The following IMMP2L variants were observed in gnomAD, a reference collection of about 807,000 sequenced individuals.
IMMP2L encodes the protein mitochondrial inner membrane protease subunit 2.
Under a neutral mutation model 19.3 loss-of-function variants are expected in IMMP2L, and 18 were observed. The observed-to-expected ratio is 0.93, with a 90% CI of 0.64 to 1.38. The LOEUF is 1.38. Among genes scored for constraint, IMMP2L ranks in the 40% most tolerant of loss-of-function variants. The pLI, the probability that IMMP2L is intolerant of heterozygous loss-of-function variation, is 0.00. For missense variants in IMMP2L, 233 were observed against 218.2 expected (o/e 1.07, Z -0.43); for synonymous variants, 76 against 73.0 (o/e 1.04, Z -0.21).
intron 3 of IMMP2L, among the ~76,000 whole-genome samples, chr7:111,252,361 T>C (rs1057111787): frequency 6.6e-6 from 1 of 152,092 alleles, no homozygotes; most frequent in Admixed American, 6.6e-5. Context: ...AATATGCCAA[T>C]GGAAAAAGTT....
At chr7:110,686,674 C>A (rs962917243) in intron 5 of IMMP2L, among the ~76,000 whole-genome samples, 2 of 152,032 alleles carry the variant, frequency 1.3e-5, no homozygotes, top group African/African-American at 4.8e-5. Flanking sequence ...ACCCTCATTT[C>A]TAATTAGTTT....
At chr7:111,374,128 C>T (rs951875315) in intron 3 of IMMP2L, among the ~76,000 whole-genome samples, 1 of 152,004 alleles carries the variant, frequency 6.6e-6, no homozygotes, top group Non-Finnish European at 1.5e-5. Context: ...TCTGAACTAT[C>T]CAAGCACAAA....
At chr7:110,730,606 G>A (rs1036911005) in intron 5 of IMMP2L, among the ~76,000 whole-genome samples, 6 of 151,384 alleles carry the variant, frequency 4.0e-5, no homozygotes, top group African/African-American at 1.5e-4. Flanking sequence ...CTCACTGCAA[G>A]CTCCGCCTCC....
chr7:111,030,135 A>G (rs1301959395), intron 3 of IMMP2L, among the ~76,000 whole-genome samples: 1 of 152,204 alleles, frequency 6.6e-6, no homozygotes, highest in African/African-American at 2.4e-5. Context: ...CTCAAGAGCC[A>G]AATCACAATG....
intron 3 of IMMP2L, among the ~76,000 whole-genome samples, chr7:111,332,353 A>G (rs139875041): frequency 2.2e-3 from 336 of 152,122 alleles, no homozygotes; most frequent in African/African-American, 7.0e-3. Context: ...AGTCTTTTCA[A>G]TAATTGTGCA....
chr7:110,976,002 CT>C (rs989233025), intron 3 of IMMP2L, among the ~76,000 whole-genome samples: 1 of 151,892 alleles, frequency 6.6e-6, no homozygotes, highest in African/African-American at 2.4e-5. Flanking sequence ...CACAGTAGAA[CT>C]GATAGCAATG....
chr7:110,817,596 G>T (rs575663478), intron 5 of IMMP2L, among the ~76,000 whole-genome samples: 1 of 151,994 alleles, frequency 6.6e-6, no homozygotes, highest in African/African-American at 2.4e-5. Flanking sequence ...TTTCTTCACA[G>T]AATTGGAAAA....
At chr7:111,376,376 T>C (rs747860078) in intron 3 of IMMP2L, among the ~76,000 whole-genome samples, 1 of 152,068 alleles carries the variant, frequency 6.6e-6, no homozygotes, top group Admixed American at 6.6e-5. Context: ...TCTACTAGGA[T>C]GGCTACAATC....
chr7:111,447,318 T>C lies in IMMP2L; in HGVS notation c.239+39920A>G, dbSNP rs567980025. ...AGGGCAGCCAGAGAGAAAGGTCGGA[T>C]TACCCTCAAAGGGAAGCCCATCAGA... is the stretch of plus-strand genomic sequence containing the variant. On this transcript the variant is annotated intron_variant, in intron 3 of 5. Transcript: ENST00000405709. Among the ~76,000 whole-genome samples the C allele has an allele frequency of 3.1e-4, 39 of 124,416 alleles. No individual in the cohort carries two copies. In the East Asian group the frequency reaches 7.8e-3, roughly 25 times the overall value. The allele number at this position is 124,416 out of a possible 152,430, so 81.6% of individuals were successfully genotyped here.
Position 111,213,071 on chromosome 7 carries a change from A to G in IMMP2L, c.240-249506T>C, listed in dbSNP as rs1280261237. 6.6e-6 allele frequency among the ~76,000 whole-genome samples: 1 copy of G among 152,206 alleles called. No individual in the cohort carries two copies. On this transcript the variant is annotated intron_variant, in intron 3 of 5. Transcript: ENST00000405709. This position sits in a 1 kb window ranked among gnomAD's most constrained non-coding sequence, Gnocchi z 4.8. ...TTCCAGGCACAGCTGCAGCCACCCA[A>G]GTGGCGGCTCCAAACCCAGGCATTT...
chr7:111,477,086 G>A (rs896901414), intron 3 of IMMP2L, among the ~76,000 whole-genome samples: 6 of 152,128 alleles, frequency 3.9e-5, no homozygotes, highest in African/African-American at 1.4e-4. Flanking sequence ...ATTTATTGAT[G>A]CATCCTTAAG....
In IMMP2L at chr7:111,521,209, ACCTTTCAGTTC is replaced by A; in HGVS notation, c.135+93_135+103del. The A allele has an allele frequency of 4.8e-6, 6 of 1,251,700 alleles. No homozygotes were observed. The South Asian group carries it at 9.5e-5, about 20-fold the overall frequency. The allele number at this position is 1,251,700 out of a possible 1,614,324, so 77.5% of individuals were successfully genotyped here. A position where few individuals can be genotyped will look rare whatever the true frequency, so the allele number is the denominator to read the frequency against. On this transcript the variant is annotated intron_variant, in intron 2 of 5. Coordinates refer to ENST00000405709, the MANE Select transcript of IMMP2L (RefSeq NM_032549.4). ...AATTTCATTTCAATGCCTTTTTATA[ACCTTTCAGTTC>A]CCAGAATAGGAATAATAATTAGCAC...
intron 1 of IMMP2L, among the ~76,000 whole-genome samples, chr7:111,529,272 A>G (rs1847171912): frequency 6.6e-6 from 1 of 152,198 alleles, no homozygotes; most frequent in South Asian, 2.1e-4. Context: ...GCATGTGAAA[A>G]ATCAGGAGAC....
chr7:111,237,681 C>T (rs945980281), intron 3 of IMMP2L, among the ~76,000 whole-genome samples: 10 of 151,634 alleles, frequency 6.6e-5, no homozygotes, highest in African/African-American at 2.4e-4. Flanking sequence ...TGTATATAAT[C>T]TGTTTCTTTA....
At chr7:110,847,457 A>G (rs1805783599) in intron 5 of IMMP2L, among the ~76,000 whole-genome samples, 2 of 152,342 alleles carry the variant, frequency 1.3e-5, no homozygotes, top group Admixed American at 6.5e-5. Context: ...ATATAAAGTG[A>G]AAAGTAAAAT....
chr7:110,898,822 TA>T (rs199943428), intron 4 of IMMP2L, among the ~76,000 whole-genome samples: 9,656 of 148,278 alleles, frequency 0.065, 1,012 homozygotes, highest in African/African-American at 0.22. Flanking sequence ...TTTTTTTTTT[TA>T]AATAAAGAAC....
chr7:111,465,549 A>G (rs1483118846), intron 3 of IMMP2L, among the ~76,000 whole-genome samples: 2 of 151,330 alleles, frequency 1.3e-5, no homozygotes, highest in Non-Finnish European at 3.0e-5. Flanking sequence ...GAAGACATTT[A>G]TGCAGCCAAA....
chr7:111,251,965 G>A (rs1439241454), intron 3 of IMMP2L, among the ~76,000 whole-genome samples: 2 of 151,828 alleles, frequency 1.3e-5, no homozygotes, highest in Non-Finnish European at 2.9e-5. Flanking sequence ...TATTAAACTT[G>A]TCTAAAGGTT....
chr7:111,019,025 T>C (rs879013605), intron 3 of IMMP2L, among the ~76,000 whole-genome samples: 2 of 151,928 alleles, frequency 1.3e-5, no homozygotes, highest in Admixed American at 1.3e-4. Context: ...AAATAGAGGA[T>C]ACACTGTAAT....
Sources: gnomAD v4.1 joint callset for allele counts (sites outside exome capture counted in the v4.1 genomes callset) on GRCh38, gnomAD v4.1.1 for gene constraint, Gnocchi (gnomAD v3.1) non-coding constraint, MANE v1.5 for transcripts, NCBI Gene and HGNC (gene_info 2026-07-23, HGNC 2026-07-21) for gene names.